DYNC2H1: variants seen among roughly 807,000 people sequenced by gnomAD.
The protein encoded by DYNC2H1 is cytoplasmic dynein 2 heavy chain 1.
A neutral mutation model predicts 570.0 loss-of-function variants in DYNC2H1; 410 were observed. That is an observed-to-expected ratio of 0.72 (90% CI 0.66 to 0.78). The LOEUF is 0.78. Among genes scored for constraint, DYNC2H1 ranks in the 30% least tolerant of loss-of-function variants. The pLI is 0.00. For synonymous variants in DYNC2H1, 1,688 were observed against 1,677.6 expected, an observed-to-expected ratio of 1.01 and a Z score of -0.15; for missense variants, 4,865 against 5,046.4, an observed-to-expected ratio of 0.96 and a Z score of 1.09.
chr11:103,234,086 GCA>G lies in DYNC2H1; in HGVS notation c.9496_9497del (p.Gln3166ArgfsTer11). 1 of 1,568,050 alleles carries G rather than the reference GCA, an allele frequency of 6.4e-7. No individual in the cohort carries two copies. The highest frequency in any genetic ancestry group is 8.7e-7 in the Non-Finnish European group (1 of 1,155,220). On this transcript the variant is annotated frameshift_variant, in exon 61 of 89. Transcript: ENST00000375735. LOFTEE classifies it high-confidence loss of function. ...AAKLEAEVSK[A>X]QETIKAAEVL... ...CAAACTTGAGGCTGAAGTAAGCAAG[GCA>G]CAAGAAACAATCAAAGCTGCAGAAG...
intron 70 of DYNC2H1, among the ~76,000 whole-genome samples, chr11:103,266,114 T>G (rs1865494160): frequency 6.6e-6 from 1 of 152,148 alleles, no homozygotes; most frequent in Admixed American, 6.5e-5. Flanking sequence ...TGACCGCTGG[T>G]CACTACACTG....
chr11:103,132,871 A>AC (rs1261121507), intron 13 of DYNC2H1, among the ~76,000 whole-genome samples: 3 of 151,208 alleles, frequency 2.0e-5, no homozygotes, highest in Non-Finnish European at 4.4e-5. Context: ...GGCCCTGTTG[A>AC]CTCCTCCCTG....
At chr11:103,471,200 C>T (rs535659101) in intron 88 of DYNC2H1, among the ~76,000 whole-genome samples, 67 of 152,256 alleles carry the variant, frequency 4.4e-4, no homozygotes, top group African/African-American at 1.5e-3. Flanking sequence ...TTCTCCTGGG[C>T]TTTTACACTT....
intron 85 of DYNC2H1, among the ~76,000 whole-genome samples, chr11:103,447,500 A>G (rs1451823451): frequency 6.6e-6 from 1 of 152,104 alleles, no homozygotes; most frequent in Non-Finnish European, 1.5e-5. Context: ...ACCCAGTCAA[A>G]AAGTGGTTAC....
chr11:103,239,222 A>G lies in DYNC2H1; in HGVS notation c.9819+2683A>G, dbSNP rs750859771. Among the ~76,000 whole-genome samples the G allele has an allele frequency of 2.0e-5, 3 of 152,114 alleles. No homozygotes were observed. The highest frequency in any genetic ancestry group is 2.4e-5 in the African/African-American group (1 of 41,440). ...ATTGGTTTTAACCACTCAAAATTTC[A>G]TAGATTTTTTTTTCTTGCTGCCTTT... On this transcript the variant is annotated intron_variant, in intron 63 of 88. Coordinates refer to ENST00000375735, the MANE Select transcript of DYNC2H1 (RefSeq NM_001377.3). The surrounding 1 kb of genome is among the most constrained non-coding windows in gnomAD (Gnocchi z 4.3).
rs1452037938 is a variant in DYNC2H1 at position 103,186,544 on chromosome 11, C to T, written c.6893+43C>T. 1.3e-6 allele frequency: 2 copies of T among 1,578,784 alleles called. No individual in the cohort carries two copies. Among genetic ancestry groups the T allele is most frequent in the Non-Finnish European group, 1.7e-6 (2 of 1,164,594 alleles). On this transcript the variant is annotated intron_variant, in intron 42 of 88. Transcript: ENST00000375735. This position sits in a 1 kb window ranked among gnomAD's most constrained non-coding sequence, Gnocchi z 4.5. ...AAAGGTATATGTTGTGGATTTATTC[C>T]TGCCGCCCCTAATTGATTTAATGGC...
At position 103,204,721 on chromosome 11, in the gene DYNC2H1, A is replaced by G. The variant is rs1862856745; in HGVS notation, c.8312-101A>G. 4 of 825,110 alleles carry G rather than the reference A, an allele frequency of 4.8e-6. No homozygotes were observed. In the African/African-American group the frequency reaches 5.4e-5, roughly 11 times the overall value. 51.1% of individuals were successfully genotyped at this position (825,110 alleles called of 1,614,324 possible). The stretch of plus-strand genomic sequence containing the variant: ...ATTGTTTTATATTGTGCTCGTTTTA[A>G]GAAACAACTCCTACTATTTCATTTG... On this transcript the variant is annotated intron_variant, in intron 51 of 88. Coordinates refer to ENST00000375735, the MANE Select transcript of DYNC2H1 (RefSeq NM_001377.3). This position sits in a 1 kb window ranked among gnomAD's most constrained non-coding sequence, Gnocchi z 4.1.
chr11:103,283,841 G>GA (rs919619533), intron 73 of DYNC2H1, among the ~76,000 whole-genome samples: 1 of 150,942 alleles, frequency 6.6e-6, no homozygotes, highest in African/African-American at 2.4e-5. Flanking sequence ...TAAAAGAAAT[G>GA]AAAAAAAGGG....
chr11:103,312,558 A>C lies in DYNC2H1; in HGVS notation c.11649+525A>C, dbSNP rs1867646421. ...CTCTGCCTCAAAAAAAAAAAAAAAAAAAAAAAAACCAATTGTAATGTAGTA... is the reference window on the plus strand; with the variant it reads ...CTCTGCCTCAAAAAAAAAAAAAAAACAAAAAAAACCAATTGTAATGTAGTA... On this transcript the variant is annotated intron_variant, in intron 79 of 88. Coordinates refer to ENST00000375735, the MANE Select transcript of DYNC2H1 (RefSeq NM_001377.3). Among the ~76,000 whole-genome samples, 4 of 134,346 alleles carry C rather than the reference A, an allele frequency of 3.0e-5. No homozygotes were observed. The South Asian group carries it at 9.7e-4, about 32-fold the overall frequency. 88.1% of individuals were successfully genotyped at this position (134,346 alleles called of 152,430 possible).
At chr11:103,263,839 G>T (rs1865407649) in intron 70 of DYNC2H1, among the ~76,000 whole-genome samples, 1 of 152,078 alleles carries the variant, frequency 6.6e-6, no homozygotes, top group Admixed American at 6.6e-5. Context: ...AAAGCTAGCA[G>T]AAGACAAGAA....
chr11:103,406,633 T>C (rs986002313), intron 84 of DYNC2H1: 1 of 151,928 alleles, frequency 6.6e-6, no homozygotes, highest in Non-Finnish European at 1.5e-5. Context: ...TTAAAGCAAA[T>C]AATCAGGTTT....
intron 1 of DYNC2H1, 80 bp from the exon 2 acceptor site, chr11:103,113,457 A>G (rs533399690): frequency 8.8e-7 from 1 of 1,136,424 alleles, no homozygotes; most frequent in East Asian, 3.0e-5. Context: ...AGGTATAATT[A>G]TAGTGATAGA....
chr11:103,380,119 G>T (rs1263148085), intron 83 of DYNC2H1, among the ~76,000 whole-genome samples: 3 of 152,080 alleles, frequency 2.0e-5, no homozygotes, highest in Non-Finnish European at 2.9e-5. Context: ...AATTTTTGTT[G>T]AAAAGTAAAG....
chr11:103,134,486 A>G (rs1201438315), intron 15 of DYNC2H1, 67 bp downstream of exon 15: 1 of 1,282,370 alleles, frequency 7.8e-7, no homozygotes, highest in African/African-American at 1.5e-5. Context: ...AGTACAATAT[A>G]TGAATTGCCG....
chr11:103,317,510 C>T (rs1937921523), intron 80 of DYNC2H1, among the ~76,000 whole-genome samples: 1 of 152,126 alleles, frequency 6.6e-6, no homozygotes, highest in African/African-American at 2.4e-5. Flanking sequence ...TCCACTTTAG[C>T]ACCCTTGCAA....
intron 87 of DYNC2H1, among the ~76,000 whole-genome samples, chr11:103,464,900 G>A (rs1367884640): frequency 6.6e-6 from 1 of 152,092 alleles, no homozygotes; most frequent in Admixed American, 6.5e-5. Context: ...ATTTTAGTGT[G>A]TAATTTAACT....
intron 78 of DYNC2H1, among the ~76,000 whole-genome samples, chr11:103,310,645 G>C (rs1428316167): frequency 6.9e-6 from 1 of 145,466 alleles, no homozygotes; most frequent in Non-Finnish European, 1.5e-5. Flanking sequence ...AAATTTGATA[G>C]GTACTTAATA....
chr11:103,208,377 T>G (rs1863019867), intron 52 of DYNC2H1, among the ~76,000 whole-genome samples: 1 of 152,132 alleles, frequency 6.6e-6, no homozygotes, highest in Non-Finnish European at 1.5e-5. Context: ...TACTCTAGCC[T>G]GATAATATGA....
At position 103,133,652 on chromosome 11, in the gene DYNC2H1, G is replaced by A. The variant is rs781730822; in HGVS notation, c.2051G>A (p.Arg684Gln). ...YIQKLQNAAE[R>Q]LATENRKLRK... Reference sequence around the variant, plus strand: ...CAAAAACTCCAAAATGCTGCTGAACGGCTTGCCACTGAAAATAGAAAACTG... The same window carrying A: ...CAAAAACTCCAAAATGCTGCTGAACAGCTTGCCACTGAAAATAGAAAACTG... Residue 684 changes from arginine to glutamine, a missense_variant, in exon 14 of 89, where the codon CGG (arginine) becomes CAG (glutamine). By Grantham distance (43) the Arg-to-Gln change is conservative. Around this residue, in one of 5 missense-constraint regions of DYNC2H1, gnomAD observed 1,936 missense variants for 1,962.1 expected, o/e 0.99. Coordinates refer to ENST00000375735, the MANE Select transcript of DYNC2H1 (RefSeq NM_001377.3). This position sits in a 1 kb window ranked among gnomAD's most constrained non-coding sequence, Gnocchi z 4.8. 6.8e-6 allele frequency: 11 copies of A among 1,612,948 alleles called. No individual in the cohort carries two copies. The highest frequency in any genetic ancestry group is 1.6e-4 in the Middle Eastern group (1 of 6,076).
Sources: gnomAD v4.1 joint callset for allele counts (sites outside exome capture counted in the v4.1 genomes callset) on GRCh38, gnomAD v4.1.1 for gene constraint, gnomAD v4.1.1 regional missense constraint, Gnocchi (gnomAD v3.1) non-coding constraint, MANE v1.5 for transcripts, NCBI Gene and HGNC (gene_info 2026-07-23, HGNC 2026-07-21) for gene names.